SYT1: variants seen among roughly 807,000 people sequenced by gnomAD.
SYT1 encodes synaptotagmin-1.
SYT1 carries 8 observed loss-of-function variants against 44.8 expected under a neutral mutation model. The ratio of observed to expected loss-of-function variants is 0.18; its 90% CI spans 0.10 to 0.32. The LOEUF (loss-of-function observed/expected upper bound fraction) is 0.32. SYT1 is among the 10% of genes least tolerant of loss of function. The pLI is 1.00. For synonymous variants in SYT1, 154 were observed against 188.8 expected (o/e 0.82, Z 1.51); for missense variants, 286 against 509.3 (o/e 0.56, Z 4.22).
intron 1 of SYT1, among the ~76,000 whole-genome samples, chr12:78,870,942 A>G (rs1291921599): frequency 6.6e-6 from 1 of 152,026 alleles, no homozygotes; most frequent in Non-Finnish European, 1.5e-5. Context: ...TGCGATACTG[A>G]ATCTTATATA....
chr12:78,973,941 ATATATATATAT>A (rs1868615494), intron 1 of SYT1, among the ~76,000 whole-genome samples: 34 of 10,744 alleles, frequency 3.2e-3, no homozygotes, highest in African/African-American at 5.7e-3. Context: ...AAAAAAAAAT[ATATATATATAT>A]ATATATATAT....
intron 3 of SYT1, among the ~76,000 whole-genome samples, chr12:79,159,980 A>G (rs1054538727): frequency 6.6e-6 from 1 of 152,184 alleles, no homozygotes; most frequent in Non-Finnish European, 1.5e-5. Context: ...AATTGCAAAA[A>G]TACTTATTGA....
chr12:79,236,383 T>C (rs988118090), intron 4 of SYT1, among the ~76,000 whole-genome samples: 3 of 152,216 alleles, frequency 2.0e-5, no homozygotes, highest in Non-Finnish European at 2.9e-5. Flanking sequence ...AACTAATTAC[T>C]GTTCTACAGA....
At chr12:79,350,612 C>T (rs570484836) in intron 8 of SYT1, among the ~76,000 whole-genome samples, 1 of 152,248 alleles carries the variant, frequency 6.6e-6, no homozygotes, top group South Asian at 2.1e-4. Context: ...TCCTCCCCAA[C>T]ATGTGAGAAA....
intron 9 of SYT1, among the ~76,000 whole-genome samples, chr12:79,376,748 A>C (rs2701566): frequency 0.32 from 48,745 of 152,066 alleles, 10,889 homozygotes; most frequent in African/African-American, 0.63. Flanking sequence ...AATCTTTCCA[A>C]TGCATAATTC....
At chr12:78,894,965 C>A (rs1416721369) in intron 1 of SYT1, among the ~76,000 whole-genome samples, 1 of 151,584 alleles carries the variant, frequency 6.6e-6, no homozygotes, top group Non-Finnish European at 1.5e-5. Context: ...TGTTTATTAG[C>A]TTGATTTAGC....
chr12:79,444,226 T>A lies in SYT1; in HGVS notation c.1062+20T>A. ...ATCCAGGTAATGTCAAACATAACTT[T>A]GTCTTCCCACTCAATTTCATTCCTT... On this transcript the variant is annotated intron_variant, in intron 10 of 10. Transcript: ENST00000261205. 1 of 1,611,838 alleles carries A rather than the reference T, an allele frequency of 6.2e-7. No homozygotes were observed. The highest frequency in any genetic ancestry group is 1.7e-5 in the Admixed American group (1 of 59,846).
chr12:79,215,917 T>C (rs1383800716), intron 3 of SYT1, among the ~76,000 whole-genome samples: 1 of 138,690 alleles, frequency 7.2e-6, no homozygotes, highest in East Asian at 2.1e-4. Context: ...TGCATTTCTT[T>C]CTTTTTTTTT....
chr12:78,877,459 A>G (rs1874235416), intron 1 of SYT1, among the ~76,000 whole-genome samples: 2 of 151,692 alleles, frequency 1.3e-5, no homozygotes, highest in Admixed American at 6.6e-5. Flanking sequence ...AACCATATCA[A>G]TGAGTAAATC....
chr12:79,433,431 A>G lies in SYT1; in HGVS notation c.929-10642A>G, dbSNP rs1221387987. On this transcript the variant is annotated intron_variant, in intron 9 of 10. Coordinates refer to ENST00000261205, the MANE Select transcript of SYT1 (RefSeq NM_005639.3). The stretch of plus-strand genomic sequence containing the variant: ...TACATTTATTAAAAATCCTAGCAGC[A>G]ATGTTACCAAGTAACAGTGTTACTG... Among the ~76,000 whole-genome samples, 8 of 152,328 alleles carry G rather than the reference A, an allele frequency of 5.3e-5. No homozygotes were observed. In the East Asian group the frequency reaches 1.5e-3, roughly 29 times the overall value.
intron 3 of SYT1, among the ~76,000 whole-genome samples, chr12:79,152,454 A>G (rs1010610241): frequency 2.0e-5 from 3 of 152,140 alleles, no homozygotes; most frequent in Non-Finnish European, 4.4e-5. Context: ...TTAGAAGTGG[A>G]AGAAAAGTGC....
intron 4 of SYT1, among the ~76,000 whole-genome samples, chr12:79,270,982 G>T (rs767397917): frequency 6.6e-6 from 1 of 152,204 alleles, no homozygotes; most frequent in African/African-American, 2.4e-5. Flanking sequence ...AGGGCACATT[G>T]TATAAATTAG....
intron 1 of SYT1, among the ~76,000 whole-genome samples, chr12:78,892,409 A>G (rs1468747261): frequency 6.6e-6 from 1 of 151,808 alleles, no homozygotes; most frequent in African/African-American, 2.4e-5. Flanking sequence ...GCTATTATAA[A>G]AATCAAAAAA....
intron 3 of SYT1, among the ~76,000 whole-genome samples, chr12:79,099,588 T>A (rs1878331574): frequency 2.0e-5 from 3 of 152,068 alleles, no homozygotes; most frequent in Non-Finnish European, 4.4e-5. Flanking sequence ...CAAAGTAGGG[T>A]TTTTAATCCT....
chr12:79,163,736 A>G (rs1403002350), intron 3 of SYT1, among the ~76,000 whole-genome samples: 2 of 152,072 alleles, frequency 1.3e-5, no homozygotes, highest in Non-Finnish European at 2.9e-5. Context: ...CGCCATCACC[A>G]ATGAATACCC....
chr12:79,078,290 C>T (rs769731686), intron 3 of SYT1, among the ~76,000 whole-genome samples: 1 of 152,068 alleles, frequency 6.6e-6, no homozygotes, highest in Admixed American at 6.6e-5. Flanking sequence ...ATCTCACCCT[C>T]TTCAGCCCCC....
At chr12:79,317,326 A>ACTTC (rs1432588072) in intron 8 of SYT1, among the ~76,000 whole-genome samples, 3 of 152,202 alleles carry the variant, frequency 2.0e-5, no homozygotes, top group Non-Finnish European at 4.4e-5. Flanking sequence ...ATGCAAAACA[A>ACTTC]CTTCCGGCAC....
chr12:79,260,880 T>C (rs969156604), intron 4 of SYT1, among the ~76,000 whole-genome samples: 2 of 152,086 alleles, frequency 1.3e-5, no homozygotes, highest in Non-Finnish European at 2.9e-5. Flanking sequence ...TATATTAAAA[T>C]ATCCAACCAT....
intron 8 of SYT1, among the ~76,000 whole-genome samples, chr12:79,319,500 A>G (rs1370271452): frequency 2.0e-5 from 3 of 152,206 alleles, no homozygotes; most frequent in African/African-American, 7.2e-5. Context: ...TAACTTAGAA[A>G]TAGGTCACAG....
Sources: gnomAD v4.1 joint callset for allele counts (sites outside exome capture counted in the v4.1 genomes callset) on GRCh38, gnomAD v4.1.1 for gene constraint, MANE v1.5 for transcripts, NCBI Gene and HGNC (gene_info 2026-07-23, HGNC 2026-07-21) for gene names.